Variants in ITGA6 observed in about 807,000 individuals in gnomAD.
The protein encoded by ITGA6 is integrin alpha-6.
Under a neutral mutation model 133.6 loss-of-function variants are expected in ITGA6, and 63 were observed. The ratio of observed to expected loss-of-function variants is 0.47; its 90% CI spans 0.38 to 0.58. The LOEUF is 0.58. ITGA6 is among the 20% of genes least tolerant of loss of function. The probability of loss-of-function intolerance (pLI) is 0.00; values close to 1 mark genes in which losing one functional copy is unlikely to be tolerated. For missense variants in ITGA6, 1,068 were observed against 1,309.4 expected (o/e 0.82, Z 2.85); for synonymous variants, 434 against 482.0 (o/e 0.90, Z 1.30).
At chr2:172,499,189 A>C (rs7596665) in intron 24 of ITGA6, among the ~76,000 whole-genome samples, 32,388 of 151,918 alleles carry the variant, frequency 0.21, 5,209 homozygotes, top group African/African-American at 0.46. Context: ...TGACTTTTGC[A>C]AATTTGAGAT....
intron 23 of ITGA6, among the ~76,000 whole-genome samples, chr2:172,495,704 C>T (rs1687099928): frequency 6.6e-6 from 1 of 152,186 alleles, no homozygotes; most frequent in Non-Finnish European, 1.5e-5. Context: ...AGTGAGTTAA[C>T]AATATGTGGA....
chr2:172,428,528 T>C (rs1683967959), intron 1 of ITGA6: 1 of 139,088 alleles, frequency 7.2e-6, no homozygotes, highest in Admixed American at 7.3e-5. Flanking sequence ...CCTTAGGAGA[T>C]ACTTTTACAT....
intron 24 of ITGA6, 40 bp downstream of exon 24, chr2:172,498,140 A>G (rs753469508): frequency 2.5e-6 from 4 of 1,591,412 alleles, no homozygotes; most frequent in Non-Finnish European, 2.6e-6. Flanking sequence ...AACAAACTTT[A>G]TTTCATGTTT....
At chr2:172,488,723 A>C (rs1382407028) in intron 19 of ITGA6, among the ~76,000 whole-genome samples, 1 of 152,190 alleles carries the variant, frequency 6.6e-6, no homozygotes, top group Non-Finnish European at 1.5e-5. Flanking sequence ...TGTGTGGCTG[A>C]AATCACATTC....
intron 1 of ITGA6, among the ~76,000 whole-genome samples, chr2:172,453,135 A>G (rs16860422): frequency 0.11 from 17,092 of 152,240 alleles, 1,675 homozygotes; most frequent in African/African-American, 0.26. Flanking sequence ...TGGCATTTCT[A>G]CATCACTTTT....
At chr2:172,477,066 C>T (rs1686205609) in intron 9 of ITGA6, among the ~76,000 whole-genome samples, 1 of 152,196 alleles carries the variant, frequency 6.6e-6, no homozygotes, top group African/African-American at 2.4e-5. Context: ...ATTTAACCAA[C>T]TGCCTTGCTC....
Position 172,504,185 on chromosome 2 carries a change from A to T in ITGA6, c.*117A>T, listed in dbSNP as rs1687465321. The T allele has an allele frequency of 6.3e-7, 1 of 1,590,792 alleles. No homozygotes were observed. The highest frequency in any genetic ancestry group is 1.3e-5 in the African/African-American group (1 of 74,542). On this transcript the variant is annotated 3_prime_UTR_variant, in exon 26 of 26. Transcript: ENST00000684293. Reference sequence around the variant, plus strand: ...GAAGAGCGAGAGATCAAAGATGAAAAGTATATTGATAACCTTGAAAAAAAA... The same window carrying T: ...GAAGAGCGAGAGATCAAAGATGAAATGTATATTGATAACCTTGAAAAAAAA...
intron 11 of ITGA6, among the ~76,000 whole-genome samples, chr2:172,480,529 G>T (rs1686394605): frequency 1.3e-5 from 2 of 152,228 alleles, no homozygotes; most frequent in Admixed American, 6.5e-5. Context: ...CCCGCCCTGT[G>T]TTCCCAAGAG....
At chr2:172,477,019 ACTGT>A (rs1686203359) in intron 9 of ITGA6, among the ~76,000 whole-genome samples, 1 of 152,210 alleles carries the variant, frequency 6.6e-6, no homozygotes, top group Non-Finnish European at 1.5e-5. Flanking sequence ...GAAGTTAACA[ACTGT>A]CTGTGAGGCA....
Position 172,487,083 on chromosome 2 carries a change from G to C in ITGA6, c.1915G>C (p.Glu639Gln), listed in dbSNP as rs374492278. 3.1e-6 allele frequency: 5 copies of C among 1,613,202 alleles called. No individual in the cohort carries two copies. Among genetic ancestry groups the C allele is most frequent in the African/African-American group, 2.7e-5 (2 of 74,868 alleles). ...TGTATGTAACAGCAACCTTAAACTA[G>C]AATATAAATTTTGCACCCGAGAAGG... The part of the protein sequence containing the change: ...DNVCNSNLKL[E>Q]YKFCTREGNQ... Residue 639 changes from glutamate to glutamine, a missense_variant, in exon 14 of 26, where the codon GAA becomes CAA. Transcript: ENST00000684293.
chr2:172,440,649 GTC>G (rs1026926466), intron 1 of ITGA6, among the ~76,000 whole-genome samples: 26 of 152,190 alleles, frequency 1.7e-4, no homozygotes, highest in African/African-American at 5.8e-4. Flanking sequence ...TTGAAATTTA[GTC>G]TCTTAGCTTA....
chr2:172,447,404 C>T (rs1684812130), intron 1 of ITGA6, among the ~76,000 whole-genome samples: 1 of 152,022 alleles, frequency 6.6e-6, no homozygotes, highest in South Asian at 2.1e-4. Context: ...GAGGTTTTAC[C>T]ATGTTGACTA....
chr2:172,435,703 TGC>T (rs1331501733), intron 1 of ITGA6, among the ~76,000 whole-genome samples: 1 of 144,478 alleles, frequency 6.9e-6, no homozygotes, highest in Admixed American at 7.1e-5. Context: ...TTCAGCTCAC[TGC>T]AGCCTTGACC....
Position 172,437,902 on chromosome 2 carries a change from C to G in ITGA6, c.182+9932C>G, listed in dbSNP as rs79938309. Among the ~76,000 whole-genome samples, 640 of 151,714 alleles carry G rather than the reference C, an allele frequency of 4.2e-3. 8 individuals carry two copies. The highest frequency in any genetic ancestry group is 0.014 in the African/African-American group (584 of 41,496). The stretch of plus-strand genomic sequence containing the variant: ...GGGTTTCAAAGAGGAAGTGAAAGAT[C>G]AGTTATATCAAATGACACTTACTGA... On this transcript the variant is annotated intron_variant, in intron 1 of 25. Coordinates refer to ENST00000684293, the MANE Select transcript of ITGA6 (RefSeq NM_000210.4).
chr2:172,450,226 G>T (rs1684929789), intron 1 of ITGA6, among the ~76,000 whole-genome samples: 1 of 152,208 alleles, frequency 6.6e-6, no homozygotes, highest in South Asian at 2.1e-4. Context: ...CCACTGGAGG[G>T]CTGTAAGCAG....
intron 1 of ITGA6, among the ~76,000 whole-genome samples, chr2:172,441,559 TAAAAAAAA>T (rs57828626): frequency 0.066 from 3,205 of 48,682 alleles, 224 homozygotes; most frequent in East Asian, 0.37. Flanking sequence ...GCTGTCTCTT[TAAAAAAAA>T]AAAAAAAAAA....
In ITGA6 at chr2:172,498,050, A is replaced by G. The variant is rs771708961; in HGVS notation, c.3064A>G (p.Ile1022Val). 39 of 1,613,716 alleles carry G rather than the reference A, an allele frequency of 2.4e-5. No individual in the cohort carries two copies. The highest frequency in any genetic ancestry group is 4.5e-5 in the East Asian group (2 of 44,874). ...GVPWWIILVA[I>V]LAGILMLALL... ...ACCTTGGTGGATCATCCTAGTGGCT[A>G]TTCTCGCTGGGATCTTGATGCTTGC... Residue 1022 changes from isoleucine to valine, a missense_variant, in exon 24 of 26, where the codon ATT (isoleucine) becomes GTT (valine). Transcript: ENST00000684293.
At chr2:172,438,072 G>A (rs1684397703) in intron 1 of ITGA6, among the ~76,000 whole-genome samples, 1 of 151,712 alleles carries the variant, frequency 6.6e-6, no homozygotes, top group African/African-American at 2.4e-5. Flanking sequence ...ACTCTTGAGG[G>A]GTTTTGCTGT....
chr2:172,430,589 A>G (rs993161613), intron 1 of ITGA6, among the ~76,000 whole-genome samples: 7 of 152,238 alleles, frequency 4.6e-5, no homozygotes, highest in African/African-American at 1.7e-4. Context: ...CAAATTTTCT[A>G]TAGTGCCTTT....
Sources: gnomAD v4.1 joint callset for allele counts (sites outside exome capture counted in the v4.1 genomes callset) on GRCh38, gnomAD v4.1.1 for gene constraint, MANE v1.5 for transcripts, NCBI Gene and HGNC (gene_info 2026-07-23, HGNC 2026-07-21) for gene names.